The following TBC1D9B variants were observed in gnomAD, a reference collection of about 807,000 sequenced individuals.
The protein encoded by TBC1D9B is TBC1 domain family member 9B, also known as TBC1 domain family, member 9B (with GRAM domain).
A neutral mutation model predicts 121.1 loss-of-function variants in TBC1D9B; 87 were observed. The observed-to-expected ratio is 0.72, with a 90% CI of 0.60 to 0.86. The LOEUF is 0.86. Among genes scored for constraint, TBC1D9B ranks in the 40% least tolerant of loss-of-function variants. TBC1D9B has a pLI of 0.00. For missense variants in TBC1D9B, 1,540 were observed against 1,628.6 expected, an observed-to-expected ratio of 0.95 and a Z score of 0.94; for synonymous variants, 668 against 670.1, an observed-to-expected ratio of 1.00 and a Z score of 0.05.
chr5:179,863,628 G>A lies in TBC1D9B; in HGVS notation c.3522C>T (p.Thr1174=), dbSNP rs1453203245. 1.7e-5 allele frequency: 28 copies of A among 1,613,810 alleles called. No individual in the cohort carries two copies. Among genetic ancestry groups the A allele is most frequent in the Non-Finnish European group, 2.3e-5 (27 of 1,180,038 alleles). ...ACSPTARIGG[T]VDTDWCISFE... is the part of the protein sequence containing the mutation. ...AGGAGATGCACCAGTCGGTGTCGAC[G>A]GTGCCGCCGATGCGCGCTGTGGGGC... The change falls in exon 21 of 21, where the codon ACC becomes ACT. Residue 1174 remains threonine, a synonymous_variant. Transcript: ENST00000355235. The surrounding 1 kb of genome is among the most constrained non-coding windows in gnomAD (Gnocchi z 4.5).
At chr5:179,869,909 C>G in intron 16 of TBC1D9B, 75 bp from the exon 17 acceptor site, 4 of 1,387,340 alleles carry the variant, frequency 2.9e-6, no homozygotes, top group Non-Finnish European at 3.9e-6. Flanking sequence ...CGAGTAGGAC[C>G]CTCTTCACAG....
At position 179,904,589 on chromosome 5, in the gene TBC1D9B, T is replaced by C. The variant is rs1271318592; in HGVS notation, c.229+113A>G. The C allele has an allele frequency of 1.1e-6, 1 of 914,510 alleles. No homozygotes were observed. Among genetic ancestry groups the C allele is most frequent in the Non-Finnish European group, 1.7e-6 (1 of 588,592 alleles). The allele number at this position is 914,510 out of a possible 1,614,324, so 56.6% of individuals were successfully genotyped here. A position where few individuals can be genotyped will look rare whatever the true frequency, so the allele number is the denominator to read the frequency against. On this transcript the variant is annotated intron_variant, in intron 2 of 20. Coordinates refer to ENST00000355235, the MANE Select transcript of TBC1D9B (RefSeq NM_015043.4). This position sits in a 1 kb window ranked among gnomAD's most constrained non-coding sequence, Gnocchi z 4.2. ...ACTTCCCTCTTGCAGCCTTGGGCTATGCTGTCAGCAGGGAATACCACCCAG... is the reference window on the plus strand; with the variant it reads ...ACTTCCCTCTTGCAGCCTTGGGCTACGCTGTCAGCAGGGAATACCACCCAG...
At position 179,876,045 on chromosome 5, in the gene TBC1D9B, G is replaced by A; in HGVS notation, c.1783-8C>T. ...GGTCACGATGTTCATTGCCTGCCGGGCACAGAGACAGCCGGGGAAGGCTTG... is the reference window on the plus strand; with the variant it reads ...GGTCACGATGTTCATTGCCTGCCGGACACAGAGACAGCCGGGGAAGGCTTG... On this transcript the variant is annotated splice_region_variant and splice_polypyrimidine_tract_variant and intron_variant, in intron 10 of 20. Transcript: ENST00000355235. 2 of 1,610,514 alleles carry A rather than the reference G, an allele frequency of 1.2e-6. No individual in the cohort carries two copies. Among genetic ancestry groups the A allele is most frequent in the Non-Finnish European group, 1.7e-6 (2 of 1,178,380 alleles).
Position 179,891,412 on chromosome 5 carries a change from C to T in TBC1D9B, c.1011G>A (p.Glu337=), listed in dbSNP as rs770716569. 1 of 1,614,152 alleles carries T rather than the reference C, an allele frequency of 6.2e-7. No homozygotes were observed. The highest frequency in any genetic ancestry group is 8.5e-7 in the Non-Finnish European group (1 of 1,179,954). ...NNYICFASKE[E]DACHLIIPLR... ...GGGGTATGATGAGGTGGCAAGCGTC[C>T]TCCTCCTTGCTGGCGAAGCAGATGT... The change falls in exon 6 of 21, where the codon GAG becomes GAA. Residue 337 remains glutamate, a synonymous_variant. Transcript: ENST00000355235. This position sits in a 1 kb window ranked among gnomAD's most constrained non-coding sequence, Gnocchi z 4.3.
At chr5:179,882,577 T>C (rs1760571558) in intron 7 of TBC1D9B, among the ~76,000 whole-genome samples, 1 of 152,170 alleles carries the variant, frequency 6.6e-6, no homozygotes, top group Non-Finnish European at 1.5e-5. Context: ...CTTAAAAATG[T>C]TACTCTGTAT....
chr5:179,878,542 C>A lies in TBC1D9B; in HGVS notation c.1568-19G>T. 3 of 1,579,224 alleles carry A rather than the reference C, an allele frequency of 1.9e-6. No individual in the cohort carries two copies. The highest frequency in any genetic ancestry group is 2.6e-6 in the Non-Finnish European group (3 of 1,160,726). Reference sequence around the variant, plus strand: ...CAGGCCCCTGGGGAGACACGGGTGCCAGCTGTCTCTGTCCTTCTTCTGGTA... The same window carrying A: ...CAGGCCCCTGGGGAGACACGGGTGCAAGCTGTCTCTGTCCTTCTTCTGGTA... On this transcript the variant is annotated intron_variant, in intron 9 of 20. Transcript: ENST00000355235.
At chr5:179,871,380 G>T in intron 15 of TBC1D9B, 82 bp downstream of exon 15, 1 of 1,371,682 alleles carries the variant, frequency 7.3e-7, no homozygotes. Context: ...CTACTTCTAA[G>T]AGGATACTCT....
chr5:179,882,410 C>G (rs557070951), intron 7 of TBC1D9B, among the ~76,000 whole-genome samples: 1 of 152,212 alleles, frequency 6.6e-6, no homozygotes, highest in African/African-American at 2.4e-5. Flanking sequence ...TTCCATCACT[C>G]CTTGGTTATC....
rs1582109736 is a variant in TBC1D9B, at chr5:179,904,629, C to T, written c.229+73G>A. 1 of 1,322,362 alleles carries T rather than the reference C, an allele frequency of 7.6e-7. No homozygotes were observed. The allele number at this position is 1,322,362 out of a possible 1,614,324, so 81.9% of individuals were successfully genotyped here. A position where few individuals can be genotyped will look rare whatever the true frequency, so the allele number is the denominator to read the frequency against. ...ATACCACCCAGACACGTGGGCTACACACCCCTTCCTCTCGGCAACGGCCCT... is the reference window on the plus strand; with the variant it reads ...ATACCACCCAGACACGTGGGCTACATACCCCTTCCTCTCGGCAACGGCCCT... On this transcript the variant is annotated intron_variant, in intron 2 of 20. Coordinates refer to ENST00000355235, the MANE Select transcript of TBC1D9B (RefSeq NM_015043.4). This position sits in a 1 kb window ranked among gnomAD's most constrained non-coding sequence, Gnocchi z 4.2.
chr5:179,867,941 T>A (rs1325309521), intron 17 of TBC1D9B, 92 bp from the exon 18 acceptor site: 1 of 1,297,002 alleles, frequency 7.7e-7, no homozygotes, highest in African/African-American at 1.5e-5. Context: ...GAGCCTTGCT[T>A]TCCCTGCCCA....
At chr5:179,889,371 G>A (rs1435596725) in intron 6 of TBC1D9B, among the ~76,000 whole-genome samples, 1 of 152,142 alleles carries the variant, frequency 6.6e-6, no homozygotes, top group Non-Finnish European at 1.5e-5. Flanking sequence ...TATCCATGGG[G>A]TGTGCCTGGG....
At chr5:179,879,376 C>A in intron 8 of TBC1D9B, 179 bp from the exon 9 acceptor site, 1 of 1,109,684 alleles carries the variant, frequency 9.0e-7, no homozygotes. Flanking sequence ...GCTCAGGAGA[C>A]CAGCTCCTCA....
At chr5:179,870,806 C>A (rs2113607531) in intron 15 of TBC1D9B, 3 of 378,916 alleles carry the variant, frequency 7.9e-6, no homozygotes, top group Non-Finnish European at 1.5e-5. Flanking sequence ...AGGCCTGAGG[C>A]TTGCTCTCGC....
chr5:179,876,516 AC>A (rs1760364132), intron 10 of TBC1D9B, among the ~76,000 whole-genome samples: 1 of 152,230 alleles, frequency 6.6e-6, no homozygotes. Flanking sequence ...AGGACCACAC[AC>A]AGCCCTAGCT....
chr5:179,874,245 G>C lies in TBC1D9B; in HGVS notation c.2186+657C>G, dbSNP rs1760292960. 6.6e-6 allele frequency among the ~76,000 whole-genome samples: 1 copy of C among 152,140 alleles called. No individual in the cohort carries two copies. The highest frequency in any genetic ancestry group is 2.1e-4 in the South Asian group (1 of 4,830). On this transcript the variant is annotated intron_variant, in intron 12 of 20. Transcript: ENST00000355235. This position sits in a 1 kb window ranked among gnomAD's most constrained non-coding sequence, Gnocchi z 4.3. ...AGGACCCAGGGAAGGGGCAGGGCCAGGTCTGATCAGAGTCATGGGATGCAG... is the reference window on the plus strand; with the variant it reads ...AGGACCCAGGGAAGGGGCAGGGCCACGTCTGATCAGAGTCATGGGATGCAG...
At chr5:179,866,216 T>A (rs1211175541) in intron 18 of TBC1D9B, 3 of 261,754 alleles carry the variant, frequency 1.1e-5, no homozygotes, top group Non-Finnish European at 1.5e-5. Context: ...GTCTGAGGAC[T>A]AACGAATTCT....
rs765902376 is a variant in TBC1D9B at position 179,878,358 on chromosome 5, C to T, written c.1733G>A (p.Arg578Gln). The T allele has an allele frequency of 5.0e-6, 8 of 1,613,906 alleles. No homozygotes were observed. Among genetic ancestry groups the T allele is most frequent in the Non-Finnish European group, 4.2e-6 (5 of 1,179,978 alleles). ...QNELGIAALR[R>Q]VLTAYAFRNP... Reference sequence around the variant, plus strand: ...TCGGAAGGCATAGGCAGTCAGCACCCGCCGGAGGGCAGCAATCCCCAGCTC... The same window carrying T: ...TCGGAAGGCATAGGCAGTCAGCACCTGCCGGAGGGCAGCAATCCCCAGCTC... Residue 578 changes from arginine (R) to glutamine (Q), a missense_variant, in exon 10 of 21, where the codon CGG becomes CAG. By Grantham distance (43) the Arg-to-Gln change is conservative. Coordinates refer to ENST00000355235, the MANE Select transcript of TBC1D9B (RefSeq NM_015043.4).
At chr5:179,882,987 T>C (rs909419457) in intron 7 of TBC1D9B, among the ~76,000 whole-genome samples, 1 of 152,158 alleles carries the variant, frequency 6.6e-6, no homozygotes, top group African/African-American at 2.4e-5. Flanking sequence ...GCCTCCCAAG[T>C]AGCTGTGATT....
chr5:179,865,561 C>A lies in TBC1D9B; in HGVS notation c.2915-201G>T. On this transcript the variant is annotated intron_variant, in intron 19 of 20. Transcript: ENST00000355235. The surrounding 1 kb of genome is among the most constrained non-coding windows in gnomAD (Gnocchi z 5.1). Reference sequence around the variant, plus strand: ...TCCCTAAATTGCTGCAGTGGTTGGACCTAAGCTGATGACAATGATCCACAA... The same window carrying A: ...TCCCTAAATTGCTGCAGTGGTTGGAACTAAGCTGATGACAATGATCCACAA... 1.6e-6 allele frequency: 1 copy of A among 626,260 alleles called. No homozygotes were observed. The allele number at this position is 626,260 out of a possible 1,614,324, so 38.8% of individuals were successfully genotyped here.
Sources: gnomAD v4.1 joint callset for allele counts (sites outside exome capture counted in the v4.1 genomes callset) on GRCh38, gnomAD v4.1.1 for gene constraint, Gnocchi (gnomAD v3.1) non-coding constraint, MANE v1.5 for transcripts, NCBI Gene and HGNC (gene_info 2026-07-23, HGNC 2026-07-21) for gene names.